The following EP400 variants were observed in gnomAD, a reference collection of about 807,000 sequenced individuals.
EP400 encodes E1A-binding protein p400.
EP400 carries 105 observed loss-of-function variants against 354.1 expected under a neutral mutation model. That is an observed-to-expected ratio of 0.30 (90% CI 0.25 to 0.35). EP400 has a LOEUF of 0.35. EP400 is among the 10% of genes least tolerant of loss of function. EP400 has a pLI of 1.00. For synonymous variants in EP400, 1,646 were observed against 1,716.9 expected (o/e 0.96, Z 1.02); for missense variants, 3,280 against 4,121.0 (o/e 0.80, Z 5.59).
chr12:132,000,165 A>G (rs1219190203), intron 12 of EP400, among the ~76,000 whole-genome samples: 1 of 152,106 alleles, frequency 6.6e-6, no homozygotes, highest in Non-Finnish European at 1.5e-5. Context: ...CTTTAGCTGA[A>G]TATCATATTT....
At chr12:131,980,602 C>G (rs1044136448) in intron 3 of EP400, among the ~76,000 whole-genome samples, 1 of 152,130 alleles carries the variant, frequency 6.6e-6, no homozygotes, top group South Asian at 2.1e-4. Context: ...CTGGAGTGCA[C>G]TGGCATCATC....
chr12:132,024,671 C>T (rs954034555), intron 24 of EP400, among the ~76,000 whole-genome samples: 1 of 151,390 alleles, frequency 6.6e-6, no homozygotes, highest in African/African-American at 2.4e-5. Flanking sequence ...CCCACAGCAG[C>T]CCCCGCAGCC....
At chr12:132,055,457 T>G (rs1229871305) in intron 45 of EP400, among the ~76,000 whole-genome samples, 49 of 131,926 alleles carry the variant, frequency 3.7e-4, no homozygotes, top group East Asian at 1.9e-3. Context: ...GGTGTAGGGG[T>G]GTGTGTGTGT....
Position 132,067,760 on chromosome 12 carries a change from G to A in EP400, c.8874+274G>A, listed in dbSNP as rs1176867238. On this transcript the variant is annotated intron_variant, in intron 50 of 52. Transcript: ENST00000389561. This position sits in a 1 kb window ranked among gnomAD's most constrained non-coding sequence, Gnocchi z 5.3. Reference sequence around the variant, plus strand: ...AGGATGGCTGGGTGCCAGGTAAGAAGCCTGCATGGCATTGGGACAGACACA... The same window carrying A: ...AGGATGGCTGGGTGCCAGGTAAGAAACCTGCATGGCATTGGGACAGACACA... 2.6e-5 allele frequency among the ~76,000 whole-genome samples: 4 copies of A among 151,604 alleles called. No homozygotes were observed. The highest frequency in any genetic ancestry group is 2.0e-4 in the Admixed American group (3 of 15,220).
At chr12:132,056,470 G>C (rs1290254909) in intron 45 of EP400, among the ~76,000 whole-genome samples, 1 of 151,990 alleles carries the variant, frequency 6.6e-6, no homozygotes, top group Non-Finnish European at 1.5e-5. Context: ...CTCAGTAAAA[G>C]TGCCAAGGGA....
intron 45 of EP400, among the ~76,000 whole-genome samples, chr12:132,061,775 G>A (rs558525234): frequency 1.0e-3 from 155 of 152,354 alleles, no homozygotes; most frequent in African/African-American, 3.6e-3. Flanking sequence ...TGGGTAGCAT[G>A]GGTGCCTCAA....
In EP400 at chr12:132,067,131, G is replaced by A. The variant is rs143270188; in HGVS notation, c.8749+162G>A. 8.1e-4 allele frequency: 902 copies of A among 1,118,860 alleles called. 8 individuals carry two copies. In the African/African-American group the frequency reaches 0.011, roughly 14 times the overall value. The allele number at this position is 1,118,860 out of a possible 1,614,324, so 69.3% of individuals were successfully genotyped here. The stretch of plus-strand genomic sequence containing the variant: ...AAACGTGCCTTGGCGCTTTCCAGGC[G>A]CAAGGCTGGGTCCTCAATTGAACTG... On this transcript the variant is annotated intron_variant, in intron 49 of 52. Transcript: ENST00000389561. The surrounding 1 kb of genome is among the most constrained non-coding windows in gnomAD (Gnocchi z 5.3).
intron 2 of EP400, among the ~76,000 whole-genome samples, chr12:131,976,207 G>C (rs753536140): frequency 1.3e-5 from 2 of 151,846 alleles, no homozygotes; most frequent in Non-Finnish European, 2.9e-5. Flanking sequence ...TAATATCCTT[G>C]CCTGCTTATT....
rs777567011 is a variant in EP400, at chr12:132,043,630, A to G, written c.6367-15A>G. ...TTGCTATTAACCCTATTCAAAAAAT[A>G]TACTTTTGGAACAGCTTACACCAAT... On this transcript the variant is annotated splice_polypyrimidine_tract_variant and intron_variant, in intron 33 of 52. Transcript: ENST00000389561. 11 of 1,599,380 alleles carry G rather than the reference A, an allele frequency of 6.9e-6. No individual in the cohort carries two copies. The South Asian group carries it at 1.0e-4, about 15-fold the overall frequency.
Position 132,067,128 on chromosome 12 carries a change from G to C in EP400, c.8749+159G>C. 6.0e-6 allele frequency: 7 copies of C among 1,161,800 alleles called. No homozygotes were observed. The highest frequency in any genetic ancestry group is 8.2e-6 in the Non-Finnish European group (7 of 851,714). The allele number at this position is 1,161,800 out of a possible 1,614,324, so 72.0% of individuals were successfully genotyped here. A position where few individuals can be genotyped will look rare whatever the true frequency, so the allele number is the denominator to read the frequency against. On this transcript the variant is annotated intron_variant, in intron 49 of 52. Coordinates refer to ENST00000389561, the MANE Select transcript of EP400 (RefSeq NM_015409.5). This position sits in a 1 kb window ranked among gnomAD's most constrained non-coding sequence, Gnocchi z 5.3. ...CACAAACGTGCCTTGGCGCTTTCCA[G>C]GCGCAAGGCTGGGTCCTCAATTGAA...
intron 7 of EP400, 34 bp from the exon 8 acceptor site, chr12:131,989,930 T>C: frequency 1.2e-6 from 2 of 1,610,452 alleles, no homozygotes; most frequent in Non-Finnish European, 1.7e-6. Context: ...TGACATAGAG[T>C]ACAACATACA....
At chr12:132,001,138 A>G (rs1322619524) in intron 12 of EP400, among the ~76,000 whole-genome samples, 1 of 152,170 alleles carries the variant, frequency 6.6e-6, no homozygotes, top group Admixed American at 6.5e-5. Flanking sequence ...AGACAAAGAG[A>G]TAAAAGAAAA....
In EP400 at chr12:132,052,390, G is replaced by A. The variant is rs898881788; in HGVS notation, c.7395-756G>A. On this transcript the variant is annotated intron_variant, in intron 41 of 52. Coordinates refer to ENST00000389561, the MANE Select transcript of EP400 (RefSeq NM_015409.5). The surrounding 1 kb of genome is among the most constrained non-coding windows in gnomAD (Gnocchi z 4.4). ...ACCCCCAGGACTCCCTACTGCCCAC[G>A]CTCTGAGTCGCCTGGCCCTGGCTTT... is the stretch of plus-strand genomic sequence containing the variant. Among the ~76,000 whole-genome samples the A allele has an allele frequency of 2.0e-5, 3 of 152,208 alleles. No individual in the cohort carries two copies. Among genetic ancestry groups the A allele is most frequent in the Admixed American group, 6.5e-5 (1 of 15,280 alleles).
At chr12:132,073,583 A>G (rs1403557671) in intron 51 of EP400, among the ~76,000 whole-genome samples, 2 of 151,186 alleles carry the variant, frequency 1.3e-5, no homozygotes, top group African/African-American at 4.9e-5. Context: ...CCTCCTGAGT[A>G]GCTGGGATTA....
intron 4 of EP400, among the ~76,000 whole-genome samples, chr12:131,981,831 A>G (rs967189619): frequency 6.6e-6 from 1 of 152,116 alleles, no homozygotes; most frequent in Non-Finnish European, 1.5e-5. Flanking sequence ...TCTTTCAACA[A>G]TTTTTACTCC....
At position 132,031,943 on chromosome 12, in the gene EP400, T is replaced by G. The variant is rs1894523450; in HGVS notation, c.5755-10T>G. ...AAGAATACTAACTCCTGTGTTTTGT[T>G]TCATCTTAGGAACTGATGAGGAGTT... is the stretch of plus-strand genomic sequence containing the variant. On this transcript the variant is annotated splice_polypyrimidine_tract_variant and intron_variant, in intron 29 of 52. Transcript: ENST00000389561. The G allele has an allele frequency of 6.3e-7, 1 of 1,594,334 alleles. No individual in the cohort carries two copies.
At position 131,994,739 on chromosome 12, in the gene EP400, G is replaced by GT. The variant is rs1893148146; in HGVS notation, c.2738-125dup. 1 of 683,652 alleles carries GT rather than the reference G, an allele frequency of 1.5e-6. No homozygotes were observed. Among genetic ancestry groups the GT allele is most frequent in the Non-Finnish European group, 2.4e-6 (1 of 412,978 alleles). The allele number at this position is 683,652 out of a possible 1,614,324, so 42.3% of individuals were successfully genotyped here. A position where few individuals can be genotyped will look rare whatever the true frequency, so the allele number is the denominator to read the frequency against. ...CATTTAATTAAATTTAACCTGAGAA[G>GT]TTTAAAAGCTCAGTTTCAATTTCTG... On this transcript the variant is annotated intron_variant, in intron 11 of 52. Coordinates refer to ENST00000389561, the MANE Select transcript of EP400 (RefSeq NM_015409.5). This position sits in a 1 kb window ranked among gnomAD's most constrained non-coding sequence, Gnocchi z 4.6.
intron 16 of EP400, 68 bp downstream of exon 16, chr12:132,011,702 TA>T (rs1893772521): frequency 1.3e-6 from 2 of 1,511,768 alleles, no homozygotes; most frequent in Non-Finnish European, 1.8e-6. Flanking sequence ...AAAGACACAT[TA>T]AAAAATGTGA....
At chr12:131,970,087 A>C (rs1033918137) in intron 2 of EP400, among the ~76,000 whole-genome samples, 3 of 152,184 alleles carry the variant, frequency 2.0e-5, no homozygotes, top group African/African-American at 4.8e-5. Flanking sequence ...ATAACTCTTA[A>C]GTTGGAGATT....
Sources: allele counts gnomAD v4.1 joint callset (sites outside exome capture counted in the v4.1 genomes callset), GRCh38; gene constraint gnomAD v4.1.1; non-coding constraint Gnocchi (gnomAD v3.1); transcripts MANE v1.5; gene names NCBI Gene and HGNC (gene_info 2026-07-23, HGNC 2026-07-21).